The following PIBF1 variants were observed in gnomAD, a reference collection of about 807,000 sequenced individuals.
The protein encoded by PIBF1 is progesterone-induced-blocking factor 1.
PIBF1 carries 90 observed loss-of-function variants against 112.5 expected under a neutral mutation model. That is an observed-to-expected ratio of 0.80 (90% CI 0.67 to 0.95). PIBF1 has a LOEUF of 0.95. Ranked by LOEUF, PIBF1 falls within the 40% of genes least tolerant of loss-of-function variation. PIBF1 has a pLI of 0.00. For synonymous variants in PIBF1, 301 were observed against 288.6 expected, an observed-to-expected ratio of 1.04 and a Z score of -0.44; for missense variants, 915 against 852.3, an observed-to-expected ratio of 1.07 and a Z score of -0.92.
At chr13:72,859,967 T>C (rs1284117981) in intron 10 of PIBF1, among the ~76,000 whole-genome samples, 2 of 152,180 alleles carry the variant, frequency 1.3e-5, no homozygotes, top group African/African-American at 4.8e-5. Context: ...ATTTCTTACT[T>C]GGCAAGACAT....
intron 10 of PIBF1, among the ~76,000 whole-genome samples, chr13:72,874,187 T>C (rs912849061): frequency 6.6e-6 from 1 of 152,152 alleles, no homozygotes; most frequent in African/African-American, 2.4e-5. Context: ...GTCAAACAGT[T>C]TGACAGTTTT....
At position 72,801,970 on chromosome 13, in the gene PIBF1, G is replaced by A. The variant is rs140757885; in HGVS notation, c.672+3944G>A. 7.3e-5 allele frequency among the ~76,000 whole-genome samples: 11 copies of A among 151,528 alleles called. No homozygotes were observed. The East Asian group carries it at 1.4e-3, about 19-fold the overall frequency. ...TAAAACTTAGAGCATCCATAATACA[G>A]TACAGTTATGTAAATGTATTTTCTT... On this transcript the variant is annotated intron_variant, in intron 5 of 17. Coordinates refer to ENST00000326291, the MANE Select transcript of PIBF1 (RefSeq NM_006346.4).
chr13:72,991,394 G>A (rs2043475350), intron 16 of PIBF1, among the ~76,000 whole-genome samples: 1 of 152,054 alleles, frequency 6.6e-6, no homozygotes, highest in Non-Finnish European at 1.5e-5. Context: ...TTAGTTTTTA[G>A]TTTTAGTCCA....
At chr13:72,908,711 A>AT in intron 12 of PIBF1, 30 bp downstream of exon 12, 1 of 1,569,954 alleles carries the variant, frequency 6.4e-7, no homozygotes, top group South Asian at 1.2e-5. Context: ...CACATGCACA[A>AT]CTTTTTTTTT....
rs534181995 is a variant in PIBF1, at chr13:72,894,268, AAC to A, written c.1488+322_1488+323del. Among the ~76,000 whole-genome samples the A allele has an allele frequency of 1.1e-4, 17 of 152,170 alleles. No individual in the cohort carries two copies. In the East Asian group the frequency reaches 3.3e-3, roughly 29 times the overall value. On this transcript the variant is annotated intron_variant, in intron 11 of 17. Transcript: ENST00000326291. ...AGAACTTCACTGACATGTGAAATGAAACACCATGTTTCTGGGAGGGAATGAAG... is the reference window on the plus strand; with the variant it reads ...AGAACTTCACTGACATGTGAAATGAAACCATGTTTCTGGGAGGGAATGAAG...
intron 12 of PIBF1, among the ~76,000 whole-genome samples, chr13:72,912,238 T>C (rs1043130244): frequency 2.0e-5 from 3 of 152,262 alleles, no homozygotes; most frequent in Admixed American, 1.3e-4. Flanking sequence ...AAATTTGTAT[T>C]GTTTAAACCA....
Position 72,915,039 on chromosome 13 carries a change from A to T in PIBF1, c.1640-2037A>T, listed in dbSNP as rs144698508. On this transcript the variant is annotated intron_variant, in intron 12 of 17. Transcript: ENST00000326291. ...CAATAATAAAAAATAATACATTTTT[A>T]AAAATACAATATAACAACTATTATA... Among the ~76,000 whole-genome samples, 111 of 152,346 alleles carry T rather than the reference A, an allele frequency of 7.3e-4. 1 individual carries two copies. The highest frequency in any genetic ancestry group is 2.6e-3 in the African/African-American group (110 of 41,582).
At chr13:72,995,472 CATAA>C (rs1178523231) in intron 16 of PIBF1, among the ~76,000 whole-genome samples, 1 of 151,932 alleles carries the variant, frequency 6.6e-6, no homozygotes. Context: ...TTTTAAAGTC[CATAA>C]ATAAATAATA....
At chr13:72,999,835 A>C (rs953549654) in intron 17 of PIBF1, among the ~76,000 whole-genome samples, 1 of 152,178 alleles carries the variant, frequency 6.6e-6, no homozygotes, top group East Asian at 1.9e-4. Flanking sequence ...TTGGGAGGCC[A>C]AAGTGGGAGG....
chr13:72,999,785 T>A (rs1336964827), intron 17 of PIBF1, among the ~76,000 whole-genome samples: 1 of 152,150 alleles, frequency 6.6e-6, no homozygotes, highest in African/African-American at 2.4e-5. Context: ...TAAGAGACAA[T>A]TGGGCAGACA....
intron 14 of PIBF1, among the ~76,000 whole-genome samples, chr13:72,934,583 A>G (rs1486554747): frequency 1.3e-5 from 2 of 152,208 alleles, no homozygotes; most frequent in Non-Finnish European, 2.9e-5. Flanking sequence ...TAATACACAG[A>G]TGAAATACTG....
intron 10 of PIBF1, among the ~76,000 whole-genome samples, chr13:72,858,736 C>T (rs942380471): frequency 2.0e-5 from 3 of 151,908 alleles, no homozygotes; most frequent in Non-Finnish European, 4.4e-5. Context: ...TAAATTTAAA[C>T]AAAGAGTGGT....
chr13:72,853,346 A>T (rs1010461370), intron 9 of PIBF1, among the ~76,000 whole-genome samples: 1 of 152,090 alleles, frequency 6.6e-6, no homozygotes, highest in Non-Finnish European at 1.5e-5. Flanking sequence ...ATGAATATTG[A>T]CCTTCATCTC....
At chr13:72,803,603 T>C (rs183566228) in intron 5 of PIBF1, among the ~76,000 whole-genome samples, 79 of 152,306 alleles carry the variant, frequency 5.2e-4, no homozygotes, top group Non-Finnish European at 9.9e-4. Context: ...TAAATAGTGG[T>C]TTAAAGAATA....
At chr13:72,829,450 T>A (rs1252031125) in intron 8 of PIBF1, among the ~76,000 whole-genome samples, 1 of 152,220 alleles carries the variant, frequency 6.6e-6, no homozygotes, top group East Asian at 1.9e-4. Context: ...TGAGTTGATT[T>A]TTGTATAAGG....
chr13:73,003,621 A>T lies in PIBF1; in HGVS notation c.2223+4626A>T, dbSNP rs374796541. Among the ~76,000 whole-genome samples, 120 of 152,212 alleles carry T rather than the reference A, an allele frequency of 7.9e-4. 1 individual carries two copies. Among genetic ancestry groups the T allele is most frequent in the African/African-American group, 2.9e-3 (120 of 41,550 alleles). On this transcript the variant is annotated intron_variant, in intron 17 of 17. Coordinates refer to ENST00000326291, the MANE Select transcript of PIBF1 (RefSeq NM_006346.4). ...TGACTATATGCAAGAGCCTGTGATGATCATTAAGACAGCATCAGCATTAAA... is the reference window on the plus strand; with the variant it reads ...TGACTATATGCAAGAGCCTGTGATGTTCATTAAGACAGCATCAGCATTAAA...
chr13:73,008,679 T>A (rs2044110911), intron 17 of PIBF1, among the ~76,000 whole-genome samples: 1 of 152,120 alleles, frequency 6.6e-6, no homozygotes, highest in Non-Finnish European at 1.5e-5. Context: ...ACATGACAAA[T>A]GCTATGGAGA....
intron 10 of PIBF1, among the ~76,000 whole-genome samples, chr13:72,866,096 C>T (rs1437779540): frequency 1.3e-5 from 2 of 152,134 alleles, no homozygotes; most frequent in Non-Finnish European, 2.9e-5. Context: ...TGGCTTGTAA[C>T]CGTATCACTC....
In PIBF1 at chr13:72,917,093, G is replaced by A; in HGVS notation, c.1657G>A (p.Ala553Thr). The A allele has an allele frequency of 2.5e-6, 4 of 1,591,678 alleles. No homozygotes were observed. Among genetic ancestry groups the A allele is most frequent in the Non-Finnish European group, 3.4e-6 (4 of 1,168,246 alleles). The change falls in exon 13 of 18, where the codon GCT becomes ACT. Residue 553 changes from alanine to threonine, a missense_variant. Transcript: ENST00000326291. ...QTAEIENEDE[A>T]ERVLFSYGYG... is the part of the protein sequence containing the mutation. ...TTTTCCAGTTGAAAATGAAGATGAG[G>A]CTGAAAGGGTTCTTTTTTCCTACGG...
Sources: allele counts gnomAD v4.1 joint callset (sites outside exome capture counted in the v4.1 genomes callset), GRCh38; gene constraint gnomAD v4.1.1; transcripts MANE v1.5; gene names NCBI Gene and HGNC (gene_info 2026-07-23, HGNC 2026-07-21).